ATM: variants seen among roughly 807,000 people sequenced by gnomAD.
The protein encoded by ATM is ATM serine/threonine kinase.
A neutral mutation model predicts 387.0 loss-of-function variants in ATM; 308 were observed. The ratio of observed to expected loss-of-function variants is 0.80; its 90% CI spans 0.73 to 0.87. ATM has a LOEUF of 0.87. Among genes scored for constraint, ATM ranks in the 40% least tolerant of loss-of-function variants. ATM has a pLI of 0.00. For synonymous variants in ATM, 1,156 were observed against 1,187.3 expected, an observed-to-expected ratio of 0.97 and a Z score of 0.54; for missense variants, 3,312 against 3,560.9, an observed-to-expected ratio of 0.93 and a Z score of 1.78.
At chr11:108,320,145 G>C in intron 44 of ATM, 87 bp downstream of exon 44, 2 of 1,018,320 alleles carry the variant, frequency 2.0e-6, no homozygotes, top group Non-Finnish European at 3.1e-6. Context: ...TTTAATGTAA[G>C]GATTTGCATT....
At chr11:108,336,650 A>C (rs1382154664) in intron 56 of ATM, among the ~76,000 whole-genome samples, 5 of 152,236 alleles carry the variant, frequency 3.3e-5, no homozygotes, top group African/African-American at 1.2e-4. Flanking sequence ...CAAATTTCAT[A>C]CATGCGCAGG....
At chr11:108,352,699 C>T (rs2089358388) in intron 59 of ATM, among the ~76,000 whole-genome samples, 1 of 152,212 alleles carries the variant, frequency 6.6e-6, no homozygotes, top group South Asian at 2.1e-4. Flanking sequence ...AACTGTGTTA[C>T]ATCCATGCCC....
At chr11:108,313,818 T>C (rs191825689) in intron 40 of ATM, among the ~76,000 whole-genome samples, 68 of 152,350 alleles carry the variant, frequency 4.5e-4, no homozygotes, top group Admixed American at 8.5e-4. Context: ...GCAAGCACCA[T>C]ATAGGCAGTT....
At chr11:108,252,766 C>G (rs1468745651) in intron 11 of ATM, 51 bp from the exon 12 acceptor site, 1 of 1,261,492 alleles carries the variant, frequency 7.9e-7, no homozygotes, top group African/African-American at 1.5e-5. Flanking sequence ...TTAAAGTATT[C>G]TTTACATGGC....
At chr11:108,300,935 C>T (rs374804865) in intron 34 of ATM, among the ~76,000 whole-genome samples, 5 of 141,132 alleles carry the variant, frequency 3.5e-5, no homozygotes, top group African/African-American at 1.1e-4. Flanking sequence ...CAGGCTGGAG[C>T]GCAGTGGCAT....
chr11:108,253,037 A>G (rs1019227595), intron 12 of ATM, 125 bp downstream of exon 12: 8 of 786,656 alleles, frequency 1.0e-5, no homozygotes, highest in South Asian at 4.7e-5. Context: ...AAAAATTGCA[A>G]CTGTTAGCCA....
chr11:108,339,562 A>C (rs1705238162), intron 56 of ATM, among the ~76,000 whole-genome samples: 1 of 152,124 alleles, frequency 6.6e-6, no homozygotes, highest in African/African-American at 2.4e-5. Context: ...TACCCAGTTG[A>C]AATCTTCCAG....
At chr11:108,304,606 TTAAGTAAAATG>T (rs2083584767) in intron 36 of ATM, 58 bp from the exon 37 acceptor site, 1 of 1,478,344 alleles carries the variant, frequency 6.8e-7, no homozygotes, top group South Asian at 1.2e-5. Flanking sequence ...CATGAAAATT[TTAAGTAAAATG>T]TATTAATTTT....
At chr11:108,356,095 A>C (rs534931133) in intron 61 of ATM, 1 of 152,214 alleles carries the variant, frequency 6.6e-6, no homozygotes, top group African/African-American at 2.4e-5. Flanking sequence ...CATTTGTTAC[A>C]GTTTGCCATT....
intron 50 of ATM, 136 bp from the exon 51 acceptor site, chr11:108,331,308 A>G (rs969806175): frequency 7.0e-7 from 1 of 1,430,664 alleles, no homozygotes; most frequent in Non-Finnish European, 9.1e-7. Context: ...AATGAAGGAA[A>G]ACAATATAGT....
intron 59 of ATM, among the ~76,000 whole-genome samples, chr11:108,349,152 AG>A (rs1235229597): frequency 3.3e-5 from 5 of 152,256 alleles, no homozygotes; most frequent in Admixed American, 6.5e-5. Flanking sequence ...AAAGGAAGTC[AG>A]GATCTTGGAA....
At chr11:108,232,316 C>T (rs2079053837) in intron 4 of ATM, among the ~76,000 whole-genome samples, 1 of 151,984 alleles carries the variant, frequency 6.6e-6, no homozygotes. Context: ...AGTTACTATT[C>T]CCTCACCCCA....
intron 16 of ATM, among the ~76,000 whole-genome samples, chr11:108,264,327 G>A (rs1364223835): frequency 6.6e-6 from 1 of 152,046 alleles, no homozygotes; most frequent in Non-Finnish European, 1.5e-5. Context: ...CTGGTTCAAT[G>A]TACACAAATC....
At chr11:108,329,522 C>G (rs2086041253) in intron 49 of ATM, among the ~76,000 whole-genome samples, 1 of 151,986 alleles carries the variant, frequency 6.6e-6, no homozygotes, top group Non-Finnish European at 1.5e-5. Context: ...TCAATTGATT[C>G]TCCCCCTGAG....
intron 5 of ATM, among the ~76,000 whole-genome samples, chr11:108,243,470 AG>A (rs2135214848): frequency 6.6e-6 from 1 of 152,074 alleles, no homozygotes; most frequent in Admixed American, 6.5e-5. Context: ...AAAATTAGCC[AG>A]GCATGGTTTT....
chr11:108,235,996 T>C (rs2079259191), intron 5 of ATM, 162 bp downstream of exon 5: 3 of 732,142 alleles, frequency 4.1e-6, no homozygotes, highest in Non-Finnish European at 2.3e-6. Flanking sequence ...TAATTTTTAT[T>C]TATTATGTAG....
chr11:108,292,343 T>C (rs1359449444), intron 29 of ATM, among the ~76,000 whole-genome samples: 1 of 152,238 alleles, frequency 6.6e-6, no homozygotes, highest in Admixed American at 6.5e-5. Flanking sequence ...TCCTGATTAC[T>C]GTAAACCTTT....
chr11:108,277,925 G>A (rs1320066884), intron 22 of ATM, among the ~76,000 whole-genome samples: 5 of 152,140 alleles, frequency 3.3e-5, no homozygotes, highest in South Asian at 2.1e-4. Flanking sequence ...TAGTATATAT[G>A]TTCCTAAAGG....
At chr11:108,347,143 A>G in intron 58 of ATM, 136 bp from the exon 59 acceptor site, 1 of 733,996 alleles carries the variant, frequency 1.4e-6, no homozygotes, top group Non-Finnish European at 2.4e-6. Flanking sequence ...CCGGTTATGC[A>G]CATCATTTAA....
Sources: allele counts gnomAD v4.1 joint callset (sites outside exome capture counted in the v4.1 genomes callset), GRCh38; gene constraint gnomAD v4.1.1; transcripts MANE v1.5; gene names NCBI Gene and HGNC (gene_info 2026-07-23, HGNC 2026-07-21).